Variants in PLCB4 observed in about 807,000 individuals in gnomAD.
PLCB4 encodes the protein phospholipase C beta 4.
A neutral mutation model predicts 178.8 loss-of-function variants in PLCB4; 77 were observed. The ratio of observed to expected loss-of-function variants is 0.43; its 90% CI spans 0.36 to 0.52. The LOEUF is 0.52. PLCB4 is among the 20% of genes least tolerant of loss of function. PLCB4 has a pLI of 0.00. For synonymous variants in PLCB4, 496 were observed against 490.8 expected, an observed-to-expected ratio of 1.01 and a Z score of -0.14; for missense variants, 1,024 against 1,453.4, an observed-to-expected ratio of 0.70 and a Z score of 4.80.
chr20:9,316,951 T>A (rs1161862293), intron 4 of PLCB4, among the ~76,000 whole-genome samples: 1 of 152,200 alleles, frequency 6.6e-6, no homozygotes, highest in Non-Finnish European at 1.5e-5. Flanking sequence ...AGGTCTGTAT[T>A]GTAGGTCATC....
At chr20:9,278,608 G>A (rs1209307912) in intron 3 of PLCB4, among the ~76,000 whole-genome samples, 1 of 152,010 alleles carries the variant, frequency 6.6e-6, no homozygotes, top group African/African-American at 2.4e-5. Flanking sequence ...TGGGCCCTAT[G>A]CATGGGTTTC....
At chr20:9,157,986 G>C (rs986621709) in intron 2 of PLCB4, among the ~76,000 whole-genome samples, 1 of 152,012 alleles carries the variant, frequency 6.6e-6, no homozygotes, top group Non-Finnish European at 1.5e-5. Context: ...CTAGCCTTTC[G>C]GCCCTTTACC....
At chr20:9,167,742 A>G (rs1457920220) in intron 2 of PLCB4, among the ~76,000 whole-genome samples, 1 of 152,204 alleles carries the variant, frequency 6.6e-6, no homozygotes, top group Non-Finnish European at 1.5e-5. Flanking sequence ...TGTACTTAGT[A>G]CCGAATAATT....
At chr20:9,153,014 G>A (rs1208146412) in intron 2 of PLCB4, among the ~76,000 whole-genome samples, 1 of 152,162 alleles carries the variant, frequency 6.6e-6, no homozygotes, top group Non-Finnish European at 1.5e-5. Flanking sequence ...ACTTGTATCG[G>A]CCCTGTAACC....
intron 2 of PLCB4, among the ~76,000 whole-genome samples, chr20:9,205,215 G>T (rs1388670523): frequency 6.6e-6 from 1 of 152,198 alleles, no homozygotes; most frequent in Admixed American, 6.5e-5. Context: ...ACAACCGTGA[G>T]ATATTCAACG....
chr20:9,309,494 C>T (rs941975953), intron 4 of PLCB4, among the ~76,000 whole-genome samples: 3 of 152,198 alleles, frequency 2.0e-5, no homozygotes, highest in Non-Finnish European at 2.9e-5. Context: ...ATGTTTCTTT[C>T]TCTCCAACTA....
intron 1 of PLCB4, among the ~76,000 whole-genome samples, chr20:9,081,173 T>C (rs970601854): frequency 2.0e-5 from 3 of 152,176 alleles, no homozygotes; most frequent in African/African-American, 7.2e-5. Context: ...AGGAGACAAA[T>C]AGACACTACT....
intron 2 of PLCB4, among the ~76,000 whole-genome samples, chr20:9,149,259 C>G (rs1181675086): frequency 1.3e-5 from 2 of 152,172 alleles, no homozygotes; most frequent in African/African-American, 4.8e-5. Flanking sequence ...GCCCTGGTCT[C>G]TGTCAGTTGG....
At chr20:9,450,741 C>A (rs530815345) in intron 32 of PLCB4, among the ~76,000 whole-genome samples, 1 of 149,734 alleles carries the variant, frequency 6.7e-6, no homozygotes, top group East Asian at 2.0e-4. Context: ...CTATGCCTCC[C>A]GGGTTCAAGC....
intron 28 of PLCB4, among the ~76,000 whole-genome samples, chr20:9,429,295 C>G (rs1443383512): frequency 6.6e-6 from 1 of 152,076 alleles, no homozygotes; most frequent in Non-Finnish European, 1.5e-5. Context: ...TGTGGCTCCC[C>G]CCAGCAAGGC....
At chr20:9,257,720 C>G (rs2094251672) in intron 3 of PLCB4, among the ~76,000 whole-genome samples, 1 of 152,116 alleles carries the variant, frequency 6.6e-6, no homozygotes, top group Non-Finnish European at 1.5e-5. Context: ...CTTTCACTAA[C>G]AGGACTGAAC....
chr20:9,297,637 G>C (rs1374736601), intron 3 of PLCB4, among the ~76,000 whole-genome samples: 1 of 152,126 alleles, frequency 6.6e-6, no homozygotes, highest in Non-Finnish European at 1.5e-5. Flanking sequence ...ATCACGTGTA[G>C]ATAGGCCCCA....
At chr20:9,432,458 ATCACTG>A (rs1284255272) in intron 28 of PLCB4, among the ~76,000 whole-genome samples, 1 of 152,230 alleles carries the variant, frequency 6.6e-6, no homozygotes, top group Non-Finnish European at 1.5e-5. Context: ...CCTGTGTGTT[ATCACTG>A]AAATGTGCCA....
chr20:9,389,761 A>G (rs938934229), intron 15 of PLCB4, 118 bp from the exon 16 acceptor site: 1 of 608,482 alleles, frequency 1.6e-6, no homozygotes. Context: ...TGGGGGCTCC[A>G]GGTCTGAATT....
At chr20:9,367,685 A>G (rs2035899499) in intron 9 of PLCB4, among the ~76,000 whole-genome samples, 1 of 152,230 alleles carries the variant, frequency 6.6e-6, no homozygotes, top group African/African-American at 2.4e-5. Context: ...AGAGACACAT[A>G]GATTGTGATC....
chr20:9,073,857 T>C (rs2327130), intron 1 of PLCB4, among the ~76,000 whole-genome samples: 133,712 of 152,126 alleles, frequency 0.88, 59,203 homozygotes, highest in East Asian at 1. Context: ...CAGTGCACTC[T>C]AGCCTGGGTG....
chr20:9,320,285 C>T (rs906597618), intron 4 of PLCB4, among the ~76,000 whole-genome samples: 28 of 152,160 alleles, frequency 1.8e-4, no homozygotes, highest in South Asian at 6.2e-4. Flanking sequence ...CGGACATTGC[C>T]GTGGCATTTG....
chr20:9,439,683 T>C (rs2041994027), intron 30 of PLCB4, among the ~76,000 whole-genome samples: 1 of 152,150 alleles, frequency 6.6e-6, no homozygotes, highest in Non-Finnish European at 1.5e-5. Flanking sequence ...GGGTTGGTGG[T>C]GTGTACTAAG....
chr20:9,270,432 C>A (rs1007628329), intron 3 of PLCB4, among the ~76,000 whole-genome samples: 1 of 152,102 alleles, frequency 6.6e-6, no homozygotes, highest in Admixed American at 6.6e-5. Context: ...GGTAATCATA[C>A]AATGTGTATT....
Sources: allele counts gnomAD v4.1 joint callset (sites outside exome capture counted in the v4.1 genomes callset), GRCh38; gene constraint gnomAD v4.1.1; transcripts MANE v1.5; gene names NCBI Gene and HGNC (gene_info 2026-07-23, HGNC 2026-07-21).